Variants in ROR1 observed in about 807,000 individuals in gnomAD.
ROR1 encodes inactive tyrosine-protein kinase transmembrane receptor ROR1.
In ROR1, 19 loss-of-function variants were observed where a neutral mutation model predicts 78.8. That is an observed-to-expected ratio of 0.24 (90% confidence interval 0.17 to 0.35). ROR1 has a LOEUF of 0.35. Ranked by LOEUF, ROR1 falls within the 10% of genes least tolerant of loss-of-function variation. ROR1 has a pLI of 1.00. For missense variants in ROR1, 917 were observed against 1,177.8 expected, an observed-to-expected ratio of 0.78 and a Z score of 3.24; for synonymous variants, 386 against 433.6, an observed-to-expected ratio of 0.89 and a Z score of 1.36.
Position 64,180,021 on chromosome 1 carries a change from T to C in ROR1, c.*1166T>C, listed in dbSNP as rs1231850334. 1.3e-5 allele frequency: 2 copies of C among 152,220 alleles called. No individual in the cohort carries two copies. The highest frequency in any genetic ancestry group is 2.9e-5 in the Non-Finnish European group (2 of 68,042). The allele number at this position is 152,220 out of a possible 1,614,324, so 9.4% of individuals were successfully genotyped here. A position where few individuals can be genotyped will look rare whatever the true frequency, so the allele number is the denominator to read the frequency against. ...TCAGTTGGAATCCAAAGGCAATTAATTCTATTTTGCAAAATATGATGGTCT... is the reference window on the plus strand; with the variant it reads ...TCAGTTGGAATCCAAAGGCAATTAACTCTATTTTGCAAAATATGATGGTCT... On this transcript the variant is annotated 3_prime_UTR_variant, in exon 9 of 9. Transcript: ENST00000371079.
At position 64,056,424 on chromosome 1, in the gene ROR1, C is replaced by T. The variant is rs574835771; in HGVS notation, c.482+5708C>T. 6.6e-5 allele frequency among the ~76,000 whole-genome samples: 10 copies of T among 151,876 alleles called. No individual in the cohort carries two copies. In the South Asian group the frequency reaches 1.9e-3, roughly 28 times the overall value. ...GCGCAGTGGTTCATGCCTGTAATTG[C>T]AGCACTTTGGGAGGCCAAGGCGGGT... On this transcript the variant is annotated intron_variant, in intron 4 of 8. Coordinates refer to ENST00000371079, the MANE Select transcript of ROR1 (RefSeq NM_005012.4).
intron 1 of ROR1, among the ~76,000 whole-genome samples, chr1:63,965,425 A>G (rs536365167): frequency 1.3e-5 from 2 of 152,312 alleles, no homozygotes; most frequent in African/African-American, 4.8e-5. Context: ...CTTTAGTAAT[A>G]GTGTTTCTGC....
intron 4 of ROR1, among the ~76,000 whole-genome samples, chr1:64,107,863 T>C (rs1647889214): frequency 6.6e-6 from 1 of 152,174 alleles, no homozygotes; most frequent in South Asian, 2.1e-4. Flanking sequence ...TAAGAGCATA[T>C]TTCTGCAGCT....
intron 2 of ROR1, among the ~76,000 whole-genome samples, chr1:64,044,641 C>T (rs978535041): frequency 6.6e-6 from 1 of 152,030 alleles, no homozygotes; most frequent in African/African-American, 2.4e-5. Flanking sequence ...ATGACTGTCT[C>T]AAAGAAAAGC....
At chr1:63,990,027 TC>T (rs1457097754) in intron 1 of ROR1, among the ~76,000 whole-genome samples, 1 of 152,182 alleles carries the variant, frequency 6.6e-6, no homozygotes, top group Non-Finnish European at 1.5e-5. Flanking sequence ...GTTTTTTCTC[TC>T]CTGTCAGCTC....
At chr1:63,892,077 C>T (rs1645401481) in intron 1 of ROR1, among the ~76,000 whole-genome samples, 1 of 152,158 alleles carries the variant, frequency 6.6e-6, no homozygotes, top group Non-Finnish European at 1.5e-5. Flanking sequence ...ATTTTATTCA[C>T]TTCTACTTTA....
chr1:63,778,641 TAACA>T (rs1644631823), intron 1 of ROR1, among the ~76,000 whole-genome samples: 1 of 152,236 alleles, frequency 6.6e-6, no homozygotes, highest in Non-Finnish European at 1.5e-5. Flanking sequence ...ACAGTTTATT[TAACA>T]AACACTTATC....
chr1:64,140,476 G>C lies in ROR1; in HGVS notation c.928+50G>C, dbSNP rs190017319. The C allele has an allele frequency of 6.9e-4, 1,065 of 1,547,720 alleles. 9 individuals are homozygous for C. Among genetic ancestry groups the C allele is most frequent in the Middle Eastern group, 1.9e-3 (11 of 5,820 alleles). On this transcript the variant is annotated intron_variant, in intron 6 of 8. Coordinates refer to ENST00000371079, the MANE Select transcript of ROR1 (RefSeq NM_005012.4). ...GTGCTCTTCTAAGGGTCAGCAACCT[G>C]TTGGCACAGGGAAAACTGGACCTTG...
At chr1:63,855,717 C>T (rs573388001) in intron 1 of ROR1, among the ~76,000 whole-genome samples, 8 of 150,636 alleles carry the variant, frequency 5.3e-5, no homozygotes, top group Admixed American at 2.0e-4. Context: ...GGTATGATCT[C>T]GGCTCACTGC....
intron 1 of ROR1, among the ~76,000 whole-genome samples, chr1:63,874,526 A>G (rs571424650): frequency 6.6e-6 from 1 of 152,082 alleles, no homozygotes; most frequent in Admixed American, 6.6e-5. Context: ...TGTTCTTCCC[A>G]CTTCTGCTGG....
intron 6 of ROR1, 140 bp downstream of exon 6, chr1:64,140,566 C>A: frequency 1.4e-6 from 1 of 709,824 alleles, no homozygotes; most frequent in South Asian, 2.0e-5. Context: ...TGTGCCTGAG[C>A]ATTCAGTGGT....
chr1:63,883,084 A>G (rs1380219096), intron 1 of ROR1, among the ~76,000 whole-genome samples: 1 of 152,212 alleles, frequency 6.6e-6, no homozygotes, highest in Non-Finnish European at 1.5e-5. Flanking sequence ...TGAAGTGGAA[A>G]GGGCAAATAA....
chr1:63,831,272 G>A (rs1196494283), intron 1 of ROR1, among the ~76,000 whole-genome samples: 1 of 152,286 alleles, frequency 6.6e-6, no homozygotes, highest in East Asian at 1.9e-4. Flanking sequence ...CTGTGTGGGG[G>A]CTCCAACTCC....
At chr1:63,996,833 G>T (rs748676108) in intron 1 of ROR1, among the ~76,000 whole-genome samples, 1 of 152,118 alleles carries the variant, frequency 6.6e-6, no homozygotes, top group Admixed American at 6.5e-5. Flanking sequence ...GTGGAGCCAG[G>T]ATTGGGTGAG....
intron 1 of ROR1, among the ~76,000 whole-genome samples, chr1:63,952,587 T>G (rs902655305): frequency 6.6e-6 from 1 of 152,160 alleles, no homozygotes; most frequent in Non-Finnish European, 1.5e-5. Flanking sequence ...GACAGACCAG[T>G]GCTGCCTGGA....
At chr1:64,037,872 C>T (rs904336023) in intron 2 of ROR1, among the ~76,000 whole-genome samples, 1 of 152,082 alleles carries the variant, frequency 6.6e-6, no homozygotes, top group Non-Finnish European at 1.5e-5. Flanking sequence ...GTGCCACACT[C>T]TCCCCAAAAC....
chr1:64,138,358 T>G (rs1649191134), intron 5 of ROR1, among the ~76,000 whole-genome samples: 1 of 152,196 alleles, frequency 6.6e-6, no homozygotes, highest in Non-Finnish European at 1.5e-5. Context: ...ATGTCATAAA[T>G]ATTTATCTGA....
At chr1:63,887,963 G>A (rs932872241) in intron 1 of ROR1, among the ~76,000 whole-genome samples, 3 of 152,074 alleles carry the variant, frequency 2.0e-5, no homozygotes, top group Non-Finnish European at 4.4e-5. Flanking sequence ...AACACATGGC[G>A]AAACCAGAGC....
intron 2 of ROR1, among the ~76,000 whole-genome samples, chr1:64,034,644 TGG>T (rs1393818709): frequency 4.6e-5 from 7 of 152,172 alleles, no homozygotes; most frequent in Non-Finnish European, 1.0e-4. Context: ...ACCATTATGG[TGG>T]CTAATATCAG....
Sources: allele counts gnomAD v4.1 joint callset (sites outside exome capture counted in the v4.1 genomes callset), GRCh38; gene constraint gnomAD v4.1.1; transcripts MANE v1.5; gene names NCBI Gene and HGNC (gene_info 2026-07-23, HGNC 2026-07-21).